DNMBP: variants seen among roughly 807,000 people sequenced by gnomAD.
The protein encoded by DNMBP is dynamin-binding protein.
DNMBP carries 87 observed loss-of-function variants against 150.0 expected under a neutral mutation model. The ratio of observed to expected loss-of-function variants is 0.58; its 90% CI spans 0.49 to 0.69. The LOEUF is 0.69. Ranked by LOEUF, DNMBP falls within the 30% of genes least tolerant of loss-of-function variation. DNMBP has a pLI of 0.00. For missense variants in DNMBP, 1,774 were observed against 1,949.0 expected (o/e 0.91, Z 1.69); for synonymous variants, 711 against 750.4 (o/e 0.95, Z 0.86).
Position 99,955,244 on chromosome 10 carries a change from T to A in DNMBP, c.2230A>T (p.Ser744Cys). ...AGTTGCTGGAGTTCCATATTCAAAC[T>A]TTCAATGTTACTTTCACAGAACTTG... Reference protein sequence around the residue: ...DLKFCESNIESLNMELQQLRE... With the variant: ...DLKFCESNIECLNMELQQLRE... The change falls in exon 4 of 17, where the codon AGT (serine) becomes TGT (cysteine). Residue 744 changes from serine (S) to cysteine (C), a missense_variant. Ser to Cys is a moderately radical substitution (Grantham distance 112). Coordinates refer to ENST00000324109, the MANE Select transcript of DNMBP (RefSeq NM_015221.4). 6.2e-7 allele frequency: 1 copy of A among 1,614,008 alleles called. No homozygotes were observed. Among genetic ancestry groups the A allele is most frequent in the Non-Finnish European group, 8.5e-7 (1 of 1,179,918 alleles).
intron 4 of DNMBP, among the ~76,000 whole-genome samples, chr10:99,943,201 C>T (rs975076081): frequency 2.0e-5 from 3 of 151,938 alleles, no homozygotes; most frequent in Non-Finnish European, 2.9e-5. Context: ...AGAAGAATCG[C>T]TTGAACCCGG....
intron 4 of DNMBP, among the ~76,000 whole-genome samples, chr10:99,948,373 A>C (rs757739820): frequency 2.0e-5 from 3 of 152,222 alleles, no homozygotes; most frequent in Admixed American, 6.5e-5. Flanking sequence ...AGGAATTCCA[A>C]CTTCTTACTC....
intron 6 of DNMBP, among the ~76,000 whole-genome samples, chr10:99,902,386 T>C (rs2039756685): frequency 7.5e-6 from 1 of 133,818 alleles, no homozygotes; most frequent in Non-Finnish European, 1.6e-5. Context: ...CTCAACTCAC[T>C]GCAACCTCTG....
rs773475683 is a variant in DNMBP, at chr10:99,956,403, G to A, written c.1071C>T (p.Pro357=). The part of the protein sequence containing the change: ...EEPDCIISEA[P]TSPLGHLTSE... ...AAGTCAGATGACCGAGGGGAGAAGT[G>A]GGTGCTTCAGAAATAATGCAGTCAG... Residue 357 remains proline (P), a synonymous_variant, in exon 4 of 17, where the codon CCC becomes CCT. Coordinates refer to ENST00000324109, the MANE Select transcript of DNMBP (RefSeq NM_015221.4). 1.9e-6 allele frequency: 3 copies of A among 1,613,972 alleles called. No individual in the cohort carries two copies. Among genetic ancestry groups the A allele is most frequent in the East Asian group, 2.2e-5 (1 of 44,872 alleles).
intron 6 of DNMBP, among the ~76,000 whole-genome samples, chr10:99,901,618 G>A (rs954076676): frequency 6.6e-6 from 1 of 152,058 alleles, no homozygotes; most frequent in Non-Finnish European, 1.5e-5. Context: ...TGGCCTGAAC[G>A]TGCGGGTCCC....
At chr10:99,998,747 G>A (rs1726096794) in intron 1 of DNMBP, among the ~76,000 whole-genome samples, 1 of 152,060 alleles carries the variant, frequency 6.6e-6, no homozygotes, top group South Asian at 2.1e-4. Flanking sequence ...GTTTTGGGGG[G>A]TGATAATAAT....
At chr10:99,895,660 G>A (rs2039642295) in intron 10 of DNMBP, among the ~76,000 whole-genome samples, 1 of 152,162 alleles carries the variant, frequency 6.6e-6, no homozygotes, top group Non-Finnish European at 1.5e-5. Context: ...AGGTTCCCCT[G>A]CCTGGCAGGT....
intron 15 of DNMBP, 134 bp from the exon 16 acceptor site, chr10:99,880,495 C>T: frequency 1.6e-6 from 2 of 1,249,062 alleles, no homozygotes; most frequent in Admixed American, 2.9e-5. Flanking sequence ...ACTCAAAAGC[C>T]AGGCCAATAG....
intron 4 of DNMBP, among the ~76,000 whole-genome samples, chr10:99,947,691 C>G (rs1412708122): frequency 1.3e-5 from 2 of 152,116 alleles, no homozygotes; most frequent in Non-Finnish European, 2.9e-5. Context: ...ACCCTTGTAA[C>G]AAATCTGCAT....
intron 13 of DNMBP, 89 bp downstream of exon 13, chr10:99,886,211 A>G: frequency 9.0e-7 from 1 of 1,116,358 alleles, no homozygotes; most frequent in South Asian, 1.5e-5. Context: ...TAATTCAGAT[A>G]ATTTTTCAAA....
intron 11 of DNMBP, among the ~76,000 whole-genome samples, chr10:99,893,108 A>T (rs1426829286): frequency 2.0e-5 from 3 of 152,228 alleles, no homozygotes; most frequent in African/African-American, 7.2e-5. Context: ...ATATTGAAAT[A>T]TTTTTTACCT....
chr10:99,908,352 C>T (rs2039852544), intron 5 of DNMBP, among the ~76,000 whole-genome samples: 1 of 152,248 alleles, frequency 6.6e-6, no homozygotes, highest in African/African-American at 2.4e-5. Flanking sequence ...TACAAATGCA[C>T]TGGGATACAA....
chr10:99,898,931 G>T (rs925167486), intron 7 of DNMBP, among the ~76,000 whole-genome samples, 171 bp from the exon 8 acceptor site: 21 of 151,946 alleles, frequency 1.4e-4, no homozygotes, highest in Non-Finnish European at 2.9e-4. Context: ...GGTGGCTCAC[G>T]CCTGTAATCC....
At chr10:99,994,816 T>C (rs2040933954) in intron 1 of DNMBP, among the ~76,000 whole-genome samples, 1 of 152,218 alleles carries the variant, frequency 6.6e-6, no homozygotes, top group Non-Finnish European at 1.5e-5. Flanking sequence ...ATTCTCATCA[T>C]CTTTTCTTTG....
chr10:99,986,396 G>A (rs2040827581), intron 1 of DNMBP, among the ~76,000 whole-genome samples: 1 of 151,900 alleles, frequency 6.6e-6, no homozygotes, highest in Non-Finnish European at 1.5e-5. Flanking sequence ...ATATGTTCTG[G>A]TAAAGGACGG....
At chr10:100,004,342 G>A (rs1272417875) in intron 1 of DNMBP, among the ~76,000 whole-genome samples, 1 of 151,882 alleles carries the variant, frequency 6.6e-6, no homozygotes, top group Non-Finnish European at 1.5e-5. Flanking sequence ...AATAAATTTT[G>A]GTCCAGGAAG....
intron 4 of DNMBP, among the ~76,000 whole-genome samples, chr10:99,926,002 A>C (rs1052028197): frequency 6.6e-6 from 1 of 152,126 alleles, no homozygotes; most frequent in Admixed American, 6.6e-5. Flanking sequence ...CCAACCCTGA[A>C]CCTTTAGCCC....
chr10:99,881,421 A>G (rs574492422), intron 15 of DNMBP, among the ~76,000 whole-genome samples: 12 of 152,360 alleles, frequency 7.9e-5, no homozygotes, highest in Admixed American at 4.6e-4. Context: ...CAAGATGACC[A>G]AGGGGGCTTT....
intron 16 of DNMBP, among the ~76,000 whole-genome samples, chr10:99,878,537 G>A (rs2039310586): frequency 6.6e-6 from 1 of 152,218 alleles, no homozygotes; most frequent in Non-Finnish European, 1.5e-5. Flanking sequence ...CCAGAAAAAC[G>A]AGCATGCACA....
Sources: allele counts gnomAD v4.1 joint callset (sites outside exome capture counted in the v4.1 genomes callset), GRCh38; gene constraint gnomAD v4.1.1; transcripts MANE v1.5; gene names NCBI Gene and HGNC (gene_info 2026-07-23, HGNC 2026-07-21).